Variants in PLAA observed in about 807,000 individuals in gnomAD.
The protein encoded by PLAA is phospholipase A2 activating protein, also known as phospholipase A-2-activating protein.
Under a neutral mutation model 84.1 loss-of-function variants are expected in PLAA, and 48 were observed. The observed-to-expected ratio is 0.57, with a 90% confidence interval of 0.45 to 0.73. The LOEUF is 0.73. Ranked by LOEUF, PLAA falls within the 30% of genes least tolerant of loss-of-function variation. PLAA has a pLI of 0.00. For synonymous variants in PLAA, 392 were observed against 336.6 expected, an observed-to-expected ratio of 1.16 and a Z score of -1.80; for missense variants, 903 against 954.7, an observed-to-expected ratio of 0.95 and a Z score of 0.71.
chr9:26,928,479 C>A, intron 2 of PLAA, 71 bp from the exon 3 acceptor site: 1 of 1,063,436 alleles, frequency 9.4e-7, no homozygotes, highest in Non-Finnish European at 1.5e-6. Flanking sequence ...GTTACTAAAG[C>A]ATTCCAATTT....
In PLAA at chr9:26,906,423, C is replaced by CTTT. The variant is rs35324777; in HGVS notation, c.1823-350_1823-348dup. On this transcript the variant is annotated intron_variant, in intron 13 of 13. Coordinates refer to ENST00000397292, the MANE Select transcript of PLAA (RefSeq NM_001031689.3). ...ACCGAACAATTAAACAGGGAAAGTTCTTTTTTTTTTTTTTTTTTTTTTTGA... is the reference window on the plus strand; with the variant it reads ...ACCGAACAATTAAACAGGGAAAGTTCTTTTTTTTTTTTTTTTTTTTTTTTTTGA... Among the ~76,000 whole-genome samples, 123 of 95,004 alleles carry CTTT rather than the reference C, an allele frequency of 1.3e-3. 1 individual carries two copies. Among genetic ancestry groups the CTTT allele is most frequent in the East Asian group, 5.5e-3 (16 of 2,896 alleles). The allele number at this position is 95,004 out of a possible 152,430, so 62.3% of individuals were successfully genotyped here.
chr9:26,930,038 A>C (rs1587176742), intron 2 of PLAA, among the ~76,000 whole-genome samples: 1 of 152,016 alleles, frequency 6.6e-6, no homozygotes, highest in East Asian at 1.9e-4. Flanking sequence ...GATTTTTTTA[A>C]TTCTCTACTA....
intron 13 of PLAA, among the ~76,000 whole-genome samples, chr9:26,906,363 G>A (rs1270391264): frequency 6.6e-6 from 1 of 151,608 alleles, no homozygotes; most frequent in African/African-American, 2.4e-5. Flanking sequence ...TGGAAAGAAT[G>A]GGGTGCAGAC....
At chr9:26,918,288 A>ATTTTT (rs1185916022) in intron 9 of PLAA, among the ~76,000 whole-genome samples, 1,070 of 95,678 alleles carry the variant, frequency 0.011, 26 homozygotes, top group African/African-American at 0.037. Context: ...AATTTTTTGT[A>ATTTTT]TTTTTTTTTT....
At chr9:26,929,370 T>A (rs1236162217) in intron 2 of PLAA, among the ~76,000 whole-genome samples, 1 of 151,148 alleles carries the variant, frequency 6.6e-6, no homozygotes, top group Admixed American at 6.6e-5. Context: ...CACGCGCCTG[T>A]CGTCCCAGTA....
chr9:26,918,096 T>C (rs543510874), intron 9 of PLAA, among the ~76,000 whole-genome samples: 9 of 151,920 alleles, frequency 5.9e-5, no homozygotes, highest in South Asian at 2.1e-4. Context: ...GTAAGTTACT[T>C]TGATAATTTT....
chr9:26,906,354 G>A (rs934912985), intron 13 of PLAA, among the ~76,000 whole-genome samples: 14 of 151,644 alleles, frequency 9.2e-5, no homozygotes, highest in African/African-American at 3.1e-4. Context: ...AAAAATGAAT[G>A]GAAAGAATGG....
At chr9:26,909,236 A>G (rs1486655837) in intron 12 of PLAA, among the ~76,000 whole-genome samples, 1 of 152,192 alleles carries the variant, frequency 6.6e-6, no homozygotes, top group Non-Finnish European at 1.5e-5. Flanking sequence ...CTGTTTCACT[A>G]ATCTCAGGTA....
chr9:26,913,231 A>C (rs975139925), intron 11 of PLAA, among the ~76,000 whole-genome samples: 9 of 152,244 alleles, frequency 5.9e-5, no homozygotes, highest in African/African-American at 2.2e-4. Context: ...CAAACCTGAA[A>C]GAGATGAACC....
chr9:26,913,472 A>G (rs1465149055), intron 11 of PLAA, among the ~76,000 whole-genome samples: 1 of 152,236 alleles, frequency 6.6e-6, no homozygotes, highest in Non-Finnish European at 1.5e-5. Flanking sequence ...CATTCTCAAC[A>G]CATTAAGAAT....
intron 9 of PLAA, among the ~76,000 whole-genome samples, chr9:26,917,767 G>A (rs1165600496): frequency 2.0e-5 from 3 of 152,096 alleles, no homozygotes; most frequent in African/African-American, 7.2e-5. Context: ...CCTATGTTTT[G>A]TTAGTACCTC....
intron 6 of PLAA, among the ~76,000 whole-genome samples, chr9:26,924,227 C>T (rs1242692654): frequency 3.3e-5 from 5 of 152,050 alleles, no homozygotes; most frequent in African/African-American, 1.2e-4. Flanking sequence ...AATTCCCGGG[C>T]CCAAGCAATC....
Position 26,920,313 on chromosome 9 carries a change from C to T in PLAA, c.1111G>A (p.Glu371Lys). The T allele has an allele frequency of 6.2e-7, 1 of 1,613,640 alleles. No individual in the cohort carries two copies. The highest frequency in any genetic ancestry group is 8.5e-7 in the Non-Finnish European group (1 of 1,179,584). The part of the protein sequence containing the change: ...KVEAYQWSVS[E>K]GRWIKIGDVV... ...TCACCAATTTTTATCCACCTCCCTT[C>T]ACTAACACTCCACTGATAGGCTTCG... Residue 371 changes from glutamate to lysine, a missense_variant, in exon 8 of 14, where the codon GAA becomes AAA. Glu to Lys is a moderately conservative substitution (Grantham distance 56). Transcript: ENST00000397292.
At chr9:26,930,743 C>T (rs1325288774) in intron 2 of PLAA, among the ~76,000 whole-genome samples, 2 of 151,816 alleles carry the variant, frequency 1.3e-5, no homozygotes, top group Admixed American at 6.6e-5. Context: ...CCACCATGCC[C>T]GGCTAATTTT....
At chr9:26,910,496 T>C in intron 11 of PLAA, 57 bp from the exon 12 acceptor site, 1 of 1,338,070 alleles carries the variant, frequency 7.5e-7, no homozygotes, top group Non-Finnish European at 1.1e-6. Flanking sequence ...AATGAGATTT[T>C]TCTAACTATA....
chr9:26,916,298 G>A (rs998938063), intron 10 of PLAA: 14 of 985,312 alleles, frequency 1.4e-5, no homozygotes, highest in Non-Finnish European at 1.6e-5. Context: ...GTATACTGTC[G>A]AGGAACTCTG....
At position 26,917,127 on chromosome 9, in the gene PLAA, T is replaced by C. The variant is rs776400772; in HGVS notation, c.1456A>G (p.Asn486Asp). Residue 486 changes from asparagine (N) to aspartate (D), a missense_variant, in exon 10 of 14, where the codon AAC becomes GAC. Asn to Asp is a conservative substitution (Grantham distance 23, BLOSUM62 1). Transcript: ENST00000397292. The part of the protein sequence containing the change: ...RYVPGSSGSS[N>D]TLPTADPFTG... ...AAAGGATCTGCTGTGGGTAGTGTGTTAGAAGATCCCGAAGAGCCCGGAACA... is the reference window on the plus strand; with the variant it reads ...AAAGGATCTGCTGTGGGTAGTGTGTCAGAAGATCCCGAAGAGCCCGGAACA... 3.1e-6 allele frequency: 5 copies of C among 1,613,806 alleles called. No homozygotes were observed. In the African/African-American group the frequency reaches 6.7e-5, roughly 22 times the overall value.
intron 2 of PLAA, among the ~76,000 whole-genome samples, chr9:26,930,233 T>C (rs1273202095): frequency 6.6e-6 from 1 of 151,680 alleles, no homozygotes; most frequent in African/African-American, 2.4e-5. Context: ...GCCTCCCGAG[T>C]GGCTGGGACC....
intron 1 of PLAA, among the ~76,000 whole-genome samples, chr9:26,942,787 C>CAGG (rs1825580566): frequency 6.8e-6 from 1 of 146,568 alleles, no homozygotes; most frequent in South Asian, 2.1e-4. Context: ...GAGGCTAAGG[C>CAGG]AGAATGGCGT....
Sources: gnomAD v4.1 joint callset for allele counts (sites outside exome capture counted in the v4.1 genomes callset) on GRCh38, gnomAD v4.1.1 for gene constraint, MANE v1.5 for transcripts, NCBI Gene and HGNC (gene_info 2026-07-23, HGNC 2026-07-21) for gene names.